UNC13C: variants seen among roughly 807,000 people sequenced by gnomAD.
The protein encoded by UNC13C is unc-13 homolog C.
In UNC13C, 174 loss-of-function variants were observed where a neutral mutation model predicts 245.4. The ratio of observed to expected loss-of-function variants is 0.71; its 90% CI spans 0.63 to 0.80. UNC13C has a LOEUF of 0.80. Among genes scored for constraint, UNC13C ranks in the 30% least tolerant of loss-of-function variants. UNC13C has a pLI of 0.00. For synonymous variants in UNC13C, 992 were observed against 895.1 expected, an observed-to-expected ratio of 1.11 and a Z score of -1.93; for missense variants, 2,829 against 2,602.9, an observed-to-expected ratio of 1.09 and a Z score of -1.89.
chr15:54,495,786 G>C (rs768575931), intron 20 of UNC13C, among the ~76,000 whole-genome samples: 2 of 151,962 alleles, frequency 1.3e-5, no homozygotes, highest in Non-Finnish European at 2.9e-5. Flanking sequence ...CAAGGAATGG[G>C]GGGCAGAGAA....
chr15:54,025,456 G>T (rs1372084048), intron 2 of UNC13C, among the ~76,000 whole-genome samples: 1 of 152,084 alleles, frequency 6.6e-6, no homozygotes, highest in Non-Finnish European at 1.5e-5. Context: ...TATGAAATGG[G>T]TATTATATTT....
At chr15:53,839,027 ACTTTAT>A in the UNC13C span, among the ~76,000 whole-genome samples, 2 of 152,100 alleles carry the variant, frequency 1.3e-5, no homozygotes, top group African/African-American at 2.4e-5. Context: ...TCTAAATGTT[ACTTTAT>A]CTTTAGCTAT....
chr15:53,984,897 C>T (rs78754894), intron 1 of UNC13C, among the ~76,000 whole-genome samples: 3,852 of 152,046 alleles, frequency 0.025, 207 homozygotes, highest in East Asian at 0.19. Context: ...TCAATTGCCC[C>T]AAGATTCTAA....
At chr15:54,260,364 C>T (rs1030852702) in intron 8 of UNC13C, among the ~76,000 whole-genome samples, 1 of 151,832 alleles carries the variant, frequency 6.6e-6, no homozygotes, top group African/African-American at 2.4e-5. Flanking sequence ...CCTCTATTTC[C>T]TGTTGAGATA....
intron 30 of UNC13C, chr15:54,611,613 T>C (rs1900099716): frequency 6.6e-6 from 1 of 152,204 alleles, no homozygotes; most frequent in Admixed American, 6.5e-5. Flanking sequence ...TGGAAAAGTA[T>C]ATGCATATAC....
chr15:53,983,134 A>G (rs1442946809), intron 1 of UNC13C, among the ~76,000 whole-genome samples: 1 of 152,114 alleles, frequency 6.6e-6, no homozygotes, highest in African/African-American at 2.4e-5. Context: ...TGTAGCTGTG[A>G]TAGATGTTGA....
At chr15:54,271,972 T>A (rs566609758) in intron 10 of UNC13C, among the ~76,000 whole-genome samples, 5 of 152,200 alleles carry the variant, frequency 3.3e-5, no homozygotes, top group Non-Finnish European at 5.9e-5. Flanking sequence ...ATGGAAAGTA[T>A]TGACTTAAAG....
intron 30 of UNC13C, among the ~76,000 whole-genome samples, chr15:54,596,313 C>T (rs1899080920): frequency 6.6e-6 from 1 of 152,182 alleles, no homozygotes. Context: ...ACATGCCTCC[C>T]TGTGAATTTT....
At chr15:54,589,696 TTCTGGATATTAGTC>T (rs1898682624) in intron 30 of UNC13C, among the ~76,000 whole-genome samples, 1 of 130,864 alleles carries the variant, frequency 7.6e-6, no homozygotes, top group African/African-American at 4.6e-5. Context: ...TTGTTGTAGA[TTCTGGATATTAGTC>T]CTTTGTCAGA....
chr15:54,080,673 T>A (rs1374839362), intron 2 of UNC13C, among the ~76,000 whole-genome samples: 2 of 152,144 alleles, frequency 1.3e-5, no homozygotes, highest in Non-Finnish European at 2.9e-5. Flanking sequence ...ATGACACCTT[T>A]ATCAATTCTG....
At chr15:54,332,742 G>A (rs536080533) in intron 15 of UNC13C, among the ~76,000 whole-genome samples, 1 of 152,032 alleles carries the variant, frequency 6.6e-6, no homozygotes, top group South Asian at 2.1e-4. Flanking sequence ...GTTATAAAAT[G>A]TCTATAGTAA....
intron 17 of UNC13C, among the ~76,000 whole-genome samples, chr15:54,387,879 C>T (rs1423246764): frequency 6.6e-6 from 1 of 152,136 alleles, no homozygotes; most frequent in African/African-American, 2.4e-5. Context: ...TTCTTGGCAT[C>T]AGCAAACCTT....
chr15:54,603,354 A>G (rs1899554024), intron 30 of UNC13C, among the ~76,000 whole-genome samples: 1 of 152,212 alleles, frequency 6.6e-6, no homozygotes, highest in Non-Finnish European at 1.5e-5. Context: ...AACACTTGAC[A>G]CAAATCACTT....
At chr15:54,412,548 C>T (rs543813948) in intron 18 of UNC13C, among the ~76,000 whole-genome samples, 18 of 152,302 alleles carry the variant, frequency 1.2e-4, no homozygotes, top group African/African-American at 4.1e-4. Flanking sequence ...AAAACCATAT[C>T]AGATGCTATT....
intron 2 of UNC13C, among the ~76,000 whole-genome samples, chr15:54,119,049 T>G (rs1359659953): frequency 6.6e-6 from 1 of 151,926 alleles, no homozygotes; most frequent in African/African-American, 2.4e-5. Context: ...GTTTTTTGTT[T>G]TTTTTTTTAA....
intron 16 of UNC13C, among the ~76,000 whole-genome samples, chr15:54,334,757 A>C (rs930856118): frequency 6.6e-6 from 1 of 152,152 alleles, no homozygotes; most frequent in African/African-American, 2.4e-5. Flanking sequence ...TACTGGAACA[A>C]TGTGCAGCTA....
chr15:54,216,582 C>T (rs899573781), intron 4 of UNC13C, among the ~76,000 whole-genome samples: 1 of 151,810 alleles, frequency 6.6e-6, no homozygotes, highest in Non-Finnish European at 1.5e-5. Context: ...GAGTCACTTC[C>T]TATACAAATT....
chr15:53,896,923 C>G, the UNC13C span, among the ~76,000 whole-genome samples: 1 of 152,156 alleles, frequency 6.6e-6, no homozygotes, highest in Non-Finnish European at 1.5e-5. Context: ...TACCTCCTAA[C>G]TTTTTCTCTA....
intron 30 of UNC13C, among the ~76,000 whole-genome samples, chr15:54,603,168 T>G (rs1393008619): frequency 2.6e-5 from 4 of 152,196 alleles, no homozygotes; most frequent in Non-Finnish European, 5.9e-5. Context: ...ATGTTTTCCT[T>G]GGGTTTCTGG....
Sources: allele counts gnomAD v4.1 joint callset (sites outside exome capture counted in the v4.1 genomes callset), GRCh38; gene constraint gnomAD v4.1.1; transcripts MANE v1.5; gene names NCBI Gene and HGNC (gene_info 2026-07-23, HGNC 2026-07-21).